Variants in RREB1 observed in about 807,000 individuals in gnomAD.
RREB1 encodes ras-responsive element-binding protein 1.
RREB1 carries 27 observed loss-of-function variants against 117.8 expected under a neutral mutation model. The observed-to-expected ratio is 0.23, with a 90% CI of 0.17 to 0.32. The LOEUF (loss-of-function observed/expected upper bound fraction) is 0.32. Ranked by LOEUF, RREB1 falls within the 10% of genes least tolerant of loss-of-function variation. The pLI is 1.00. For missense variants in RREB1, 2,577 were observed against 2,378.2 expected (o/e 1.08, Z -1.74); for synonymous variants, 1,298 against 1,026.7 (o/e 1.26, Z -5.05).
intron 6 of RREB1, among the ~76,000 whole-genome samples, chr6:7,189,923 G>A (rs1396256132): frequency 1.3e-5 from 2 of 152,180 alleles, no homozygotes; most frequent in Admixed American, 6.5e-5. Flanking sequence ...ATGGAAAATA[G>A]AGTTTATAGG....
At chr6:7,127,177 C>T (rs902881506) in intron 1 of RREB1, among the ~76,000 whole-genome samples, 1 of 151,612 alleles carries the variant, frequency 6.6e-6, no homozygotes, top group South Asian at 2.1e-4. Flanking sequence ...GAAAAATGGA[C>T]GGGGGCTCGG....
chr6:7,195,292 GT>G (rs1483540004), intron 6 of RREB1, among the ~76,000 whole-genome samples: 1 of 152,112 alleles, frequency 6.6e-6, no homozygotes, highest in Non-Finnish European at 1.5e-5. Context: ...GAACATTTGG[GT>G]TTTGGTAAAT....
chr6:7,217,203 G>T (rs1444756030), intron 8 of RREB1: 1 of 152,348 alleles, frequency 6.6e-6, no homozygotes, highest in Non-Finnish European at 1.5e-5. Flanking sequence ...GTGTGAGTTG[G>T]TTGGGACTCT....
chr6:7,150,303 A>G (rs1763060035), intron 1 of RREB1, among the ~76,000 whole-genome samples: 1 of 152,234 alleles, frequency 6.6e-6, no homozygotes, highest in Non-Finnish European at 1.5e-5. Flanking sequence ...TTAGCTTTTA[A>G]TACTACTGAA....
rs770129808 is a variant in RREB1, at chr6:7,229,495, G to A, written c.1396G>A (p.Glu466Lys). ...VKPISGESAIELADIQQILKM... is the reference protein window; with the variant it reads ...VKPISGESAIKLADIQQILKM... The stretch of plus-strand genomic sequence containing the variant: ...GCCCATCTCTGGCGAGTCGGCCATC[G>A]AGCTGGCAGACATCCAGCAAATTCT... The change falls in exon 10 of 13, where the codon GAG becomes AAG. Residue 466 changes from glutamate to lysine, a missense_variant. Coordinates refer to ENST00000379938, the MANE Select transcript of RREB1 (RefSeq NM_001003699.4). The surrounding 1 kb of genome is among the most constrained non-coding windows in gnomAD (Gnocchi z 4.5). 5.6e-6 allele frequency: 9 copies of A among 1,613,990 alleles called. No individual in the cohort carries two copies. The highest frequency in any genetic ancestry group is 4.0e-5 in the African/African-American group (3 of 74,920).
At chr6:7,141,585 A>C (rs1044990212) in intron 1 of RREB1, among the ~76,000 whole-genome samples, 1 of 152,214 alleles carries the variant, frequency 6.6e-6, no homozygotes, top group Non-Finnish European at 1.5e-5. Context: ...TATTTCCCCA[A>C]ATAAGTCCCC....
chr6:7,243,544 A>G (rs1430152867), intron 11 of RREB1, among the ~76,000 whole-genome samples: 1 of 152,224 alleles, frequency 6.6e-6, no homozygotes, highest in Non-Finnish European at 1.5e-5. Context: ...CTGGCCTTAT[A>G]AGTTGAGTAT....
intron 8 of RREB1, among the ~76,000 whole-genome samples, chr6:7,220,650 A>G (rs1443008398): frequency 6.6e-6 from 1 of 152,222 alleles, no homozygotes; most frequent in African/African-American, 2.4e-5. Context: ...AAGGCAGCCA[A>G]TCCGATTTGT....
chr6:7,146,919 C>T (rs1762892273), intron 1 of RREB1, among the ~76,000 whole-genome samples: 1 of 152,152 alleles, frequency 6.6e-6, no homozygotes, highest in Admixed American at 6.5e-5. Context: ...GCAGAAGAAA[C>T]AATTCTCTGT....
At chr6:7,148,068 G>A (rs575051052) in intron 1 of RREB1, among the ~76,000 whole-genome samples, 4 of 152,150 alleles carry the variant, frequency 2.6e-5, no homozygotes, top group Non-Finnish European at 2.9e-5. Context: ...ATATTCAGCC[G>A]ATGTGCTTGC....
At position 7,239,242 on chromosome 6, in the gene RREB1, A is replaced by T. The variant is rs530025490; in HGVS notation, c.3809-1196A>T. Among the ~76,000 whole-genome samples the T allele has an allele frequency of 1.9e-3, 297 of 152,340 alleles. 2 individuals carry two copies. The highest frequency in any genetic ancestry group is 6.8e-3 in the Middle Eastern group (2 of 294). ...TTATGAGACAAAAGTACTGGGCCCC[A>T]GCTCTGAAGTCATGTTGGTTAACAC... On this transcript the variant is annotated intron_variant, in intron 10 of 12. Transcript: ENST00000379938.
In RREB1 at chr6:7,230,675, T is replaced by C; in HGVS notation, c.2576T>C (p.Leu859Pro). Residue 859 changes from leucine (L) to proline (P), a missense_variant, in exon 10 of 13, where the codon CTC becomes CCC. Leu to Pro is a moderately conservative substitution (Grantham distance 98). Transcript: ENST00000379938. ...GCAALGDCKP[L>P]TAFLEPQNGF... ...GCTGCCCTTGGTGACTGCAAGCCCC[T>C]CACTGCCTTCCTGGAACCCCAGAAC... 6.3e-7 allele frequency: 1 copy of C among 1,594,372 alleles called. No individual in the cohort carries two copies. The highest frequency in any genetic ancestry group is 8.5e-7 in the Non-Finnish European group (1 of 1,169,636).
intron 9 of RREB1, 83 bp from the exon 10 acceptor site, chr6:7,228,914 A>C: frequency 7.8e-7 from 1 of 1,283,164 alleles, no homozygotes; most frequent in Admixed American, 2.8e-5. Flanking sequence ...ATGTACAACA[A>C]ATACTTTGTG....
intron 6 of RREB1, among the ~76,000 whole-genome samples, chr6:7,190,536 A>G (rs1765347613): frequency 6.6e-6 from 1 of 152,246 alleles, no homozygotes; most frequent in South Asian, 2.1e-4. Flanking sequence ...AAAAGTGAAT[A>G]TTTTAAGAAT....
Position 7,246,586 on chromosome 6 carries a change from G to T in RREB1, c.4136G>T (p.Arg1379Leu), listed in dbSNP as rs1422129202. ...ATAETASPVHREEHGRGESHE... is the reference protein window; with the variant it reads ...ATAETASPVHLEEHGRGESHE... ...GCGGAAACGGCCTCGCCGGTGCACC[G>T]GGAAGAGCACGGGCGTGGGGAGAGC... The change falls in exon 12 of 13, where the codon CGG becomes CTG. Residue 1379 changes from arginine (R) to leucine (L), a missense_variant. Arg to Leu is a moderately radical substitution (Grantham distance 102, BLOSUM62 -2). Coordinates refer to ENST00000379938, the MANE Select transcript of RREB1 (RefSeq NM_001003699.4). The T allele has an allele frequency of 5.1e-6, 8 of 1,554,168 alleles. No individual in the cohort carries two copies. The highest frequency in any genetic ancestry group is 7.0e-6 in the Non-Finnish European group (8 of 1,149,246).
chr6:7,133,563 G>A (rs1431814663), intron 1 of RREB1, among the ~76,000 whole-genome samples: 1 of 151,854 alleles, frequency 6.6e-6, no homozygotes, highest in Non-Finnish European at 1.5e-5. Flanking sequence ...CTCTAAATAA[G>A]TAAATGAATG....
chr6:7,163,391 T>TTTTA (rs1034751046), intron 1 of RREB1, among the ~76,000 whole-genome samples: 21 of 152,004 alleles, frequency 1.4e-4, no homozygotes, highest in African/African-American at 4.1e-4. Context: ...TTTTATTTTA[T>TTTTA]TTTATTTATT....
chr6:7,192,952 T>C (rs1425216182), intron 6 of RREB1, among the ~76,000 whole-genome samples: 3 of 152,208 alleles, frequency 2.0e-5, no homozygotes, highest in Non-Finnish European at 4.4e-5. Flanking sequence ...ATTGCTTTAG[T>C]TGTTTCCCAT....
Position 7,248,683 on chromosome 6 carries a change from C to G in RREB1, c.4944C>G (p.Gly1648=). The change falls in exon 13 of 13, where the codon GGC becomes GGG. Residue 1648 remains glycine (G), a synonymous_variant. Transcript: ENST00000379938. The part of the protein sequence containing the change: ...EDSENESTHS[G]NNAVSENEAE... ...GCGAGAATGAGTCCACCCACAGCGG[C>G]AACAACGCCGTCTCAGAGAACGAGG... 6.2e-7 allele frequency: 1 copy of G among 1,614,168 alleles called. No homozygotes were observed. Among genetic ancestry groups the G allele is most frequent in the South Asian group, 1.1e-5 (1 of 91,074 alleles).
Sources: gnomAD v4.1 joint callset for allele counts (sites outside exome capture counted in the v4.1 genomes callset) on GRCh38, gnomAD v4.1.1 for gene constraint, Gnocchi (gnomAD v3.1) non-coding constraint, MANE v1.5 for transcripts, NCBI Gene and HGNC (gene_info 2026-07-23, HGNC 2026-07-21) for gene names.